The following PDE10A variants were observed in gnomAD, a reference collection of about 807,000 sequenced individuals.
The protein encoded by PDE10A is phosphodiesterase 10A, also known as cAMP and cAMP-inhibited cGMP 3',5'-cyclic phosphodiesterase 10A.
Under a neutral mutation model 97.7 loss-of-function variants are expected in PDE10A, and 39 were observed. The observed-to-expected ratio is 0.40, with a 90% confidence interval of 0.31 to 0.52. The LOEUF (loss-of-function observed/expected upper bound fraction) is 0.52. PDE10A is among the 20% of genes least tolerant of loss of function. The probability of loss-of-function intolerance (pLI) is 0.56; values close to 1 mark genes in which losing one functional copy is unlikely to be tolerated. For missense variants in PDE10A, 731 were observed against 1,047.8 expected (o/e 0.70, Z 4.17); for synonymous variants, 371 against 376.8 (o/e 0.98, Z 0.18).
intron 1 of PDE10A, among the ~76,000 whole-genome samples, chr6:165,652,479 G>A (rs570960778): frequency 1.3e-5 from 2 of 152,100 alleles, no homozygotes; most frequent in Admixed American, 6.5e-5. Flanking sequence ...GAGCCACCTC[G>A]CCCAGCCTTC....
intron 1 of PDE10A, among the ~76,000 whole-genome samples, chr6:165,602,795 A>T (rs1787027277): frequency 6.6e-6 from 1 of 152,094 alleles, no homozygotes; most frequent in Non-Finnish European, 1.5e-5. Flanking sequence ...ACTTGATGAT[A>T]GTTTATAAGA....
chr6:165,437,848 G>T (rs963005395), intron 5 of PDE10A, among the ~76,000 whole-genome samples: 4 of 152,006 alleles, frequency 2.6e-5, no homozygotes, highest in African/African-American at 9.7e-5. Flanking sequence ...TGTTTTGTTT[G>T]CCTCCAAACA....
chr6:165,700,344 A>G (rs1003761635), intron 1 of PDE10A, among the ~76,000 whole-genome samples: 1 of 152,188 alleles, frequency 6.6e-6, no homozygotes. Flanking sequence ...GGTAAAGAGC[A>G]TGGGGTGTCT....
rs150333286 is a variant in PDE10A, at chr6:165,956,754, A to G, written c.-615+30775T>C. ...CTGACATGTCTCTGACATGTGGAGCACAGGAACAGATGTGTCAACCATGGT... is the reference window on the plus strand; with the variant it reads ...CTGACATGTCTCTGACATGTGGAGCGCAGGAACAGATGTGTCAACCATGGT... On this transcript the variant is annotated intron_variant, in intron 1 of 19. Transcript: ENST00000366882. Among the ~76,000 whole-genome samples the G allele has an allele frequency of 2.5e-4, 38 of 152,370 alleles. 1 individual carries two copies. The highest frequency in any genetic ancestry group is 6.0e-4 in the African/African-American group (25 of 41,594).
At chr6:165,791,638 GT>G (rs1562738524) in intron 1 of PDE10A, among the ~76,000 whole-genome samples, 1 of 152,144 alleles carries the variant, frequency 6.6e-6, no homozygotes, top group African/African-American at 2.4e-5. Context: ...GACACGGCTC[GT>G]TTCTAGGGAA....
intron 2 of PDE10A, among the ~76,000 whole-genome samples, chr6:165,490,693 G>A (rs1287795701): frequency 3.3e-5 from 5 of 152,176 alleles, no homozygotes; most frequent in African/African-American, 4.8e-5. Flanking sequence ...AAGGCTGGAC[G>A]TGGTGGTTCA....
chr6:165,404,939 G>A (rs1311777174), intron 13 of PDE10A, among the ~76,000 whole-genome samples: 1 of 152,112 alleles, frequency 6.6e-6, no homozygotes, highest in Non-Finnish European at 1.5e-5. Context: ...ATCGTGGGTG[G>A]AAGTATTTAA....
rs370973673 is a variant in PDE10A at position 165,393,528 on chromosome 6, A to G, written c.2304-732T>C. Among the ~76,000 whole-genome samples, 16 of 151,978 alleles carry G rather than the reference A, an allele frequency of 1.1e-4. No homozygotes were observed. In the East Asian group the frequency reaches 2.9e-3, roughly 27 times the overall value. ...CCAGGGAGGTCAAGAATTCATAAAA[A>G]CTTAAAAAAAAAAGTAACCTGTGTT... On this transcript the variant is annotated intron_variant, in intron 15 of 21. Transcript: ENST00000539869.
At chr6:165,449,051 AG>A in intron 4 of PDE10A, 74 bp from the exon 5 acceptor site, 1 of 1,021,240 alleles carries the variant, frequency 9.8e-7, no homozygotes. Flanking sequence ...CTCCAGGGTG[AG>A]AGGCAGATGT....
intron 2 of PDE10A, among the ~76,000 whole-genome samples, chr6:165,520,132 G>C (rs1782046268): frequency 1.3e-5 from 2 of 152,176 alleles, no homozygotes; most frequent in Non-Finnish European, 2.9e-5. Context: ...TCAATGCTAA[G>C]TGATAACACC....
At chr6:165,860,556 C>T (rs1378901631) in intron 1 of PDE10A, among the ~76,000 whole-genome samples, 5 of 152,218 alleles carry the variant, frequency 3.3e-5, no homozygotes, top group Admixed American at 1.3e-4. Context: ...GGACGCAGAA[C>T]GGCAACTGTT....
intron 18 of PDE10A, among the ~76,000 whole-genome samples, chr6:165,367,240 TATGTG>T (rs1783834467): frequency 1.0e-5 from 1 of 99,548 alleles, no homozygotes; most frequent in African/African-American, 5.0e-5. Flanking sequence ...CACACACACA[TATGTG>T]TGTGTGTGTG....
chr6:165,375,188 A>G (rs1784539755), intron 18 of PDE10A, among the ~76,000 whole-genome samples: 1 of 152,192 alleles, frequency 6.6e-6, no homozygotes, highest in Admixed American at 6.6e-5. Context: ...TTTAAATCAA[A>G]AGCTAGAAGT....
At chr6:165,564,191 C>T (rs1441971864) in intron 1 of PDE10A, among the ~76,000 whole-genome samples, 1 of 152,114 alleles carries the variant, frequency 6.6e-6, no homozygotes, top group Non-Finnish European at 1.5e-5. Flanking sequence ...TTTCCAAGGA[C>T]AGGTTTCCTG....
chr6:165,331,517 G>C lies in PDE10A; in HGVS notation c.*1508C>G, dbSNP rs917550200. Reference sequence around the variant, plus strand: ...CGCCTATGGTGGTAAATATGTAGAAGCATATTTTTCCATTTTATTAAAAGC... The same window carrying C: ...CGCCTATGGTGGTAAATATGTAGAACCATATTTTTCCATTTTATTAAAAGC... On this transcript the variant is annotated 3_prime_UTR_variant, in exon 22 of 22. Coordinates refer to ENST00000539869, the MANE Select transcript of PDE10A (RefSeq NM_001385079.1). 4 of 152,246 alleles carry C rather than the reference G, an allele frequency of 2.6e-5. No homozygotes were observed. The highest frequency in any genetic ancestry group is 5.9e-5 in the Non-Finnish European group (4 of 68,022). 9.4% of individuals were successfully genotyped at this position (152,246 alleles called of 1,614,324 possible).
chr6:165,649,038 C>T (rs1245536809), intron 1 of PDE10A, among the ~76,000 whole-genome samples: 1 of 152,146 alleles, frequency 6.6e-6, no homozygotes, highest in East Asian at 1.9e-4. Flanking sequence ...GAAAGGGGTG[C>T]CCTGCAGAAA....
At chr6:165,504,024 C>A (rs1781051911) in intron 2 of PDE10A, among the ~76,000 whole-genome samples, 1 of 152,024 alleles carries the variant, frequency 6.6e-6, no homozygotes, top group Non-Finnish European at 1.5e-5. Context: ...TAATCAATTA[C>A]AAAAGTGAAT....
upstream of PDE10A, among the ~76,000 whole-genome samples, chr6:165,663,692 A>T (rs1790412981): frequency 6.6e-6 from 1 of 152,180 alleles, no homozygotes; most frequent in Non-Finnish European, 1.5e-5. Flanking sequence ...TCCCTTTCGC[A>T]TACTCACTTT....
intron 2 of PDE10A, among the ~76,000 whole-genome samples, chr6:165,507,527 T>C (rs750379576): frequency 2.6e-5 from 4 of 151,970 alleles, no homozygotes; most frequent in Non-Finnish European, 5.9e-5. Flanking sequence ...CAAGCCCAAG[T>C]CCAGTAAGTT....
Sources: allele counts gnomAD v4.1 joint callset (sites outside exome capture counted in the v4.1 genomes callset), GRCh38; gene constraint gnomAD v4.1.1; transcripts MANE v1.5; gene names NCBI Gene and HGNC (gene_info 2026-07-23, HGNC 2026-07-21).